TENM3: variants seen among roughly 807,000 people sequenced by gnomAD.
TENM3 encodes the protein teneurin-3.
TENM3 carries 63 observed loss-of-function variants against 255.1 expected under a neutral mutation model. That is an observed-to-expected ratio of 0.25 (90% CI 0.20 to 0.30). TENM3 has a LOEUF of 0.30. Ranked by LOEUF, TENM3 falls within the 10% of genes least tolerant of loss-of-function variation. The probability of loss-of-function intolerance (pLI) is 1.00; values close to 1 mark genes in which losing one functional copy is unlikely to be tolerated. For synonymous variants in TENM3, 1,306 were observed against 1,322.3 expected (o/e 0.99, Z 0.27); for missense variants, 2,929 against 3,461.1 (o/e 0.85, Z 3.86).
At position 182,323,848 on chromosome 4, in the gene TENM3, A is replaced by G. The variant is rs149973142; in HGVS notation, c.-75-98A>G. ...AAAGCAAGTTTCCTAGATAAGCAAT[A>G]CTATTGTTTCCTACCATCCCAGATT... is the stretch of plus-strand genomic sequence containing the variant. On this transcript the variant is annotated intron_variant, in intron 1 of 27. Coordinates refer to ENST00000511685, the MANE Select transcript of TENM3 (RefSeq NM_001080477.4). 2.5e-5 allele frequency: 15 copies of G among 605,414 alleles called. No homozygotes were observed. In the African/African-American group the frequency reaches 2.8e-4, roughly 11 times the overall value. The allele number at this position is 605,414 out of a possible 1,614,324, so 37.5% of individuals were successfully genotyped here.
chr4:181,667,328 G>T, the TENM3 span, among the ~76,000 whole-genome samples: 4 of 152,194 alleles, frequency 2.6e-5, no homozygotes, highest in South Asian at 8.3e-4. Flanking sequence ...ATCCAAAACA[G>T]ACCTTTCTTC....
intron 17 of TENM3, 139 bp downstream of exon 17, chr4:182,737,214 G>A (rs1761236532): frequency 1.1e-6 from 1 of 925,230 alleles, no homozygotes; most frequent in Non-Finnish European, 1.6e-6. Context: ...TTATACCTTG[G>A]CTGGTTTAGA....
chr4:181,477,323 C>T, the TENM3 span, among the ~76,000 whole-genome samples: 1 of 152,126 alleles, frequency 6.6e-6, no homozygotes, highest in African/African-American at 2.4e-5. Context: ...CTGTAATTTT[C>T]ATACTTGCAT....
At chr4:182,111,641 T>C in the TENM3 span, among the ~76,000 whole-genome samples, 3 of 152,324 alleles carry the variant, frequency 2.0e-5, no homozygotes, top group Non-Finnish European at 2.9e-5. Context: ...GGTCCTTTAT[T>C]TTCTAACATA....
chr4:182,368,761 G>C (rs1274741550), intron 3 of TENM3, among the ~76,000 whole-genome samples: 5 of 152,134 alleles, frequency 3.3e-5, no homozygotes, highest in Non-Finnish European at 7.4e-5. Context: ...ATACCCACGA[G>C]TCCTGGTTTC....
chr4:181,966,988 T>A, the TENM3 span, among the ~76,000 whole-genome samples: 2 of 151,924 alleles, frequency 1.3e-5, no homozygotes, highest in South Asian at 4.2e-4. Context: ...CCTCACACCA[T>A]ATCTCTCTCT....
At chr4:181,949,194 T>A in the TENM3 span, among the ~76,000 whole-genome samples, 2 of 152,220 alleles carry the variant, frequency 1.3e-5, no homozygotes, top group African/African-American at 4.8e-5. Flanking sequence ...ACATGCAGAA[T>A]GTATATATGG....
intron 3 of TENM3, among the ~76,000 whole-genome samples, chr4:182,585,745 T>G (rs542750104): frequency 6.6e-6 from 1 of 152,330 alleles, no homozygotes; most frequent in African/African-American, 2.4e-5. Flanking sequence ...ATATATCCAG[T>G]GCTTATTCAT....
At chr4:182,713,039 A>C (rs1758875722) in intron 12 of TENM3, among the ~76,000 whole-genome samples, 2 of 152,240 alleles carry the variant, frequency 1.3e-5, no homozygotes, top group Admixed American at 1.3e-4. Context: ...AGATATCATC[A>C]GTAGGAAGTG....
At chr4:182,463,965 G>GA (rs199999920) in intron 3 of TENM3, among the ~76,000 whole-genome samples, 9 of 151,388 alleles carry the variant, frequency 5.9e-5, no homozygotes, top group African/African-American at 1.5e-4. Context: ...TTCTTTCCCT[G>GA]AAAAAAAACT....
intron 1 of TENM3, among the ~76,000 whole-genome samples, chr4:182,286,332 G>C (rs1339758558): frequency 6.6e-6 from 1 of 152,194 alleles, no homozygotes; most frequent in Non-Finnish European, 1.5e-5. Context: ...GATAAGCCCA[G>C]CATAGATCAG....
chr4:181,543,751 GT>G, the TENM3 span, among the ~76,000 whole-genome samples: 9 of 152,120 alleles, frequency 5.9e-5, no homozygotes, highest in Non-Finnish European at 1.2e-4. Flanking sequence ...AGTTTTTAGT[GT>G]TTCGTATTAG....
At chr4:181,679,994 T>G in the TENM3 span, among the ~76,000 whole-genome samples, 1 of 152,152 alleles carries the variant, frequency 6.6e-6, no homozygotes, top group South Asian at 2.1e-4. Flanking sequence ...TATGTCATGA[T>G]CAAGTCTAAT....
At chr4:181,519,322 T>C in the TENM3 span, among the ~76,000 whole-genome samples, 2 of 152,322 alleles carry the variant, frequency 1.3e-5, no homozygotes, top group African/African-American at 4.8e-5. Context: ...TAATTATGAA[T>C]AAAGATTTCC....
intron 3 of TENM3, among the ~76,000 whole-genome samples, chr4:182,450,784 T>TA (rs1164288451): frequency 1.3e-5 from 2 of 152,220 alleles, no homozygotes; most frequent in African/African-American, 4.8e-5. Context: ...GCTGTGAAGA[T>TA]AGAGAAGAAT....
At chr4:182,365,706 A>G (rs1049825709) in intron 3 of TENM3, among the ~76,000 whole-genome samples, 2 of 152,220 alleles carry the variant, frequency 1.3e-5, no homozygotes, top group Admixed American at 1.3e-4. Context: ...CAAAAGATGC[A>G]GGAGATACAT....
intron 3 of TENM3, among the ~76,000 whole-genome samples, chr4:182,383,750 G>A (rs7685578): frequency 1 from 151,769 of 152,260 alleles, 75,640 homozygotes; most frequent in Middle Eastern, 1. Flanking sequence ...CCCAATTTCA[G>A]ACTATGCTTC....
the TENM3 span, among the ~76,000 whole-genome samples, chr4:181,594,929 T>G: frequency 6.6e-6 from 1 of 152,078 alleles, no homozygotes; most frequent in African/African-American, 2.4e-5. Context: ...CATGGCAAAA[T>G]TTGATTCCTC....
chr4:181,466,736 T>C, the TENM3 span, among the ~76,000 whole-genome samples: 1 of 152,130 alleles, frequency 6.6e-6, no homozygotes, highest in Non-Finnish European at 1.5e-5. Context: ...TTACTACACT[T>C]TTTAATATTG....
Sources: allele counts gnomAD v4.1 joint callset (sites outside exome capture counted in the v4.1 genomes callset), GRCh38; gene constraint gnomAD v4.1.1; transcripts MANE v1.5; gene names NCBI Gene and HGNC (gene_info 2026-07-23, HGNC 2026-07-21).